PTTG1IP2: variants seen among roughly 807,000 people sequenced by gnomAD.
PTTG1IP2 encodes PTTG1IP family member 2.
chr7:90,510,070 G>T (rs994967147), intron 6 of PTTG1IP2, among the ~76,000 whole-genome samples: 2 of 152,080 alleles, frequency 1.3e-5, no homozygotes, highest in Admixed American at 6.5e-5. Flanking sequence ...GTGGCTACCT[G>T]GGAGCATCAT....
intron 6 of PTTG1IP2, among the ~76,000 whole-genome samples, chr7:90,511,500 G>C (rs559777992): frequency 6.6e-6 from 1 of 152,224 alleles, no homozygotes; most frequent in South Asian, 2.1e-4. Context: ...CTCTTTTTCC[G>C]TATGGTTGGT....
At chr7:90,489,803 A>T (rs879549748) in intron 4 of PTTG1IP2, among the ~76,000 whole-genome samples, 2 of 151,984 alleles carry the variant, frequency 1.3e-5, no homozygotes, top group Non-Finnish European at 2.9e-5. Context: ...AGAATTATCA[A>T]GTGCCAAGAT....
intron 1 of PTTG1IP2, among the ~76,000 whole-genome samples, chr7:90,473,844 C>T (rs1256773513): frequency 6.6e-6 from 1 of 152,194 alleles, no homozygotes; most frequent in African/African-American, 2.4e-5. Context: ...TAGGCCCATG[C>T]TTTCTGTGTC....
chr7:90,471,428 A>G (rs765418700), intron 1 of PTTG1IP2, among the ~76,000 whole-genome samples: 6 of 152,214 alleles, frequency 3.9e-5, no homozygotes. Flanking sequence ...AGAGCTTAGT[A>G]ATCAATATCT....
intron 6 of PTTG1IP2, among the ~76,000 whole-genome samples, chr7:90,498,174 C>T (rs552365012): frequency 1.8e-4 from 28 of 152,172 alleles, no homozygotes; most frequent in Admixed American, 1.3e-4. Context: ...TACAGGCGCC[C>T]GCCACCACGC....
chr7:90,486,016 A>G (rs1273211984), intron 2 of PTTG1IP2, among the ~76,000 whole-genome samples: 1 of 152,178 alleles, frequency 6.6e-6, no homozygotes. Flanking sequence ...TCAATTTTAG[A>G]TTTGACTGAA....
chr7:90,482,530 C>T (rs1797825048), intron 2 of PTTG1IP2, among the ~76,000 whole-genome samples: 1 of 149,444 alleles, frequency 6.7e-6, no homozygotes, highest in African/African-American at 2.5e-5. Context: ...AACTCATAAA[C>T]ATAGCGTATG....
At chr7:90,471,437 C>A (rs953872708) in intron 1 of PTTG1IP2, among the ~76,000 whole-genome samples, 1 of 152,176 alleles carries the variant, frequency 6.6e-6, no homozygotes, top group East Asian at 1.9e-4. Flanking sequence ...TAATCAATAT[C>A]TCAAGAAATT....
chr7:90,486,217 A>G (rs1797873554), intron 2 of PTTG1IP2, among the ~76,000 whole-genome samples: 1 of 152,186 alleles, frequency 6.6e-6, no homozygotes, highest in African/African-American at 2.4e-5. Flanking sequence ...ATTGGTTACC[A>G]GCACAGAGCC....
At chr7:90,490,557 A>T (rs1440031291) in intron 4 of PTTG1IP2, among the ~76,000 whole-genome samples, 1 of 152,140 alleles carries the variant, frequency 6.6e-6, no homozygotes, top group Non-Finnish European at 1.5e-5. Flanking sequence ...TAACATACAA[A>T]GACAAGTTAG....
intron 6 of PTTG1IP2, among the ~76,000 whole-genome samples, chr7:90,497,037 C>T (rs189638295): frequency 1.4e-4 from 21 of 152,268 alleles, no homozygotes; most frequent in Admixed American, 5.2e-4. Flanking sequence ...CATATCATCA[C>T]GGTCAGAAAA....
intron 1 of PTTG1IP2, among the ~76,000 whole-genome samples, chr7:90,472,462 T>A (rs186981797): frequency 3.8e-4 from 58 of 152,254 alleles, no homozygotes; most frequent in Admixed American, 2.9e-3. Context: ...CAGAATGAAA[T>A]TAAAAGGCAG....
At position 90,481,820 on chromosome 7, in the gene PTTG1IP2, C is replaced by G. The variant is rs558447669; in HGVS notation, c.192+2546C>G. On this transcript the variant is annotated intron_variant, in intron 2 of 6. Transcript: ENST00000509356. ...TGTTTTTTTATTCATCTTTGTATCTCTAACACCTCACACATTTCCCACACA... is the reference window on the plus strand; with the variant it reads ...TGTTTTTTTATTCATCTTTGTATCTGTAACACCTCACACATTTCCCACACA... Among the ~76,000 whole-genome samples, 217 of 152,218 alleles carry G rather than the reference C, an allele frequency of 1.4e-3. 2 individuals carry two copies. The highest frequency in any genetic ancestry group is 4.9e-3 in the African/African-American group (203 of 41,546).
chr7:90,484,367 A>G (rs561232331), intron 2 of PTTG1IP2, among the ~76,000 whole-genome samples: 6 of 152,142 alleles, frequency 3.9e-5, no homozygotes, highest in Non-Finnish European at 7.4e-5. Context: ...TTTTATTAAA[A>G]TAGCAATTGT....
intron 2 of PTTG1IP2, among the ~76,000 whole-genome samples, chr7:90,483,444 C>A (rs1713601351): frequency 6.6e-6 from 1 of 152,206 alleles, no homozygotes; most frequent in Non-Finnish European, 1.5e-5. Context: ...TTCACAAACT[C>A]AAAGCCTTTC....
At chr7:90,501,602 T>C (rs141638730) in intron 6 of PTTG1IP2, among the ~76,000 whole-genome samples, 1,737 of 152,244 alleles carry the variant, frequency 0.011, 15 homozygotes, top group South Asian at 0.044. Context: ...CCCAGGAGTT[T>C]GAGGCTGCAG....
intron 1 of PTTG1IP2, among the ~76,000 whole-genome samples, chr7:90,476,596 T>C (rs901342963): frequency 6.6e-5 from 10 of 152,118 alleles, no homozygotes; most frequent in African/African-American, 2.2e-4. Context: ...GAATAGGATA[T>C]ACCTTACAAA....
intron 6 of PTTG1IP2, among the ~76,000 whole-genome samples, chr7:90,510,303 GA>G (rs574695894): frequency 5.9e-4 from 89 of 151,826 alleles, no homozygotes; most frequent in African/African-American, 1.9e-3. Context: ...AAAAACAAAA[GA>G]AAAAAAAGTG....
chr7:90,509,467 A>T (rs1798160785), intron 6 of PTTG1IP2, among the ~76,000 whole-genome samples: 1 of 151,858 alleles, frequency 6.6e-6, no homozygotes, highest in Non-Finnish European at 1.5e-5. Context: ...GATGCTGTTA[A>T]TATAAAGGAG....
Sources: gnomAD v4.1 joint callset for allele counts (sites outside exome capture counted in the v4.1 genomes callset) on GRCh38, gnomAD v4.1.1 for gene constraint, MANE v1.5 for transcripts, NCBI Gene and HGNC (gene_info 2026-07-23, HGNC 2026-07-21) for gene names.